Variants in MACROD2 observed in about 807,000 individuals in gnomAD.
MACROD2 encodes mono-ADP ribosylhydrolase 2.
A neutral mutation model predicts 70.4 loss-of-function variants in MACROD2; 36 were observed. That is an observed-to-expected ratio of 0.51 (90% CI 0.39 to 0.68). The LOEUF is 0.68. MACROD2 is among the 30% of genes least tolerant of loss of function. The pLI, the probability that MACROD2 is intolerant of heterozygous loss-of-function variation, is 0.00. For synonymous variants in MACROD2, 172 were observed against 178.8 expected (o/e 0.96, Z 0.30); for missense variants, 496 against 538.4 (o/e 0.92, Z 0.78).
chr20:15,276,398 T>TTA (rs2077392821), intron 6 of MACROD2, among the ~76,000 whole-genome samples: 1 of 31,548 alleles, frequency 3.2e-5, no homozygotes, highest in African/African-American at 1.4e-4. Flanking sequence ...AGACTCCCTC[T>TTA]CAAAAAAATA....
rs527694946 is a variant in MACROD2 at position 15,561,489 on chromosome 20, TGCTTG to T, written c.645+61644_645+61648del. Among the ~76,000 whole-genome samples the T allele has an allele frequency of 1.2e-4, 19 of 152,310 alleles. 1 individual carries two copies. Among genetic ancestry groups the T allele is most frequent in the Admixed American group, 9.8e-4 (15 of 15,298 alleles). On this transcript the variant is annotated intron_variant, in intron 8 of 17. Coordinates refer to ENST00000684519, the MANE Select transcript of MACROD2 (RefSeq NM_001351661.2). Reference sequence around the variant, plus strand: ...TGATGTTCTTGGAGATTCTCTATGTTGCTTGGTACTACTAGGCTAAAATGTAATAC... The same window carrying T: ...TGATGTTCTTGGAGATTCTCTATGTTGTACTACTAGGCTAAAATGTAATAC...
At chr20:15,703,314 C>T (rs561608657) in intron 8 of MACROD2, among the ~76,000 whole-genome samples, 7 of 152,330 alleles carry the variant, frequency 4.6e-5, no homozygotes, top group African/African-American at 1.4e-4. Flanking sequence ...AGTCTCAGCT[C>T]TGCATGGACC....
At chr20:15,377,777 C>T (rs2045582805) in intron 6 of MACROD2, among the ~76,000 whole-genome samples, 1 of 151,642 alleles carries the variant, frequency 6.6e-6, no homozygotes, top group Non-Finnish European at 1.5e-5. Context: ...CTATGCCTGA[C>T]CTACAGAGAG....
chr20:15,606,984 G>A (rs1443043535), intron 8 of MACROD2, among the ~76,000 whole-genome samples: 2 of 143,336 alleles, frequency 1.4e-5, no homozygotes, highest in African/African-American at 5.2e-5. Context: ...CCTGGGCAAC[G>A]AGAGCAAAAC....
chr20:15,777,767 C>T (rs2051757251), intron 8 of MACROD2, among the ~76,000 whole-genome samples: 1 of 152,052 alleles, frequency 6.6e-6, no homozygotes, highest in Admixed American at 6.5e-5. Context: ...GCCTCAGCCT[C>T]CCGAGTAGCT....
intron 3 of MACROD2, among the ~76,000 whole-genome samples, chr20:14,381,971 A>G (rs1247247875): frequency 1.3e-5 from 2 of 152,090 alleles, no homozygotes; most frequent in Non-Finnish European, 1.5e-5. Flanking sequence ...TCTGAAGAAC[A>G]TGGTCATTAG....
chr20:15,985,905 G>C (rs1169366585), intron 13 of MACROD2: 1 of 152,224 alleles, frequency 6.6e-6, no homozygotes, highest in Non-Finnish European at 1.5e-5. Flanking sequence ...CCTTTTAAGG[G>C]CTCACAGCAC....
chr20:15,527,812 C>G (rs775446224), intron 8 of MACROD2, among the ~76,000 whole-genome samples: 22 of 152,180 alleles, frequency 1.4e-4, no homozygotes, highest in Non-Finnish European at 3.1e-4. Context: ...GCTCTAGATT[C>G]TCATATTTTC....
chr20:14,906,478 A>T (rs1158361130), intron 5 of MACROD2, among the ~76,000 whole-genome samples: 2 of 152,186 alleles, frequency 1.3e-5, no homozygotes, highest in African/African-American at 4.8e-5. Context: ...TGGGCAACAG[A>T]GTGAGACTCA....
intron 8 of MACROD2, among the ~76,000 whole-genome samples, chr20:15,862,055 C>T (rs543223461): frequency 4.6e-5 from 7 of 152,132 alleles, no homozygotes; most frequent in Non-Finnish European, 8.8e-5. Flanking sequence ...TGAATGTTTC[C>T]AAGAAACTCT....
At chr20:14,513,788 G>T (rs1357688536) in intron 4 of MACROD2, among the ~76,000 whole-genome samples, 2 of 151,896 alleles carry the variant, frequency 1.3e-5, no homozygotes, top group African/African-American at 2.4e-5. Context: ...TATATATTGT[G>T]CATCTCAAAT....
intron 5 of MACROD2, among the ~76,000 whole-genome samples, chr20:14,942,805 T>G (rs1202102949): frequency 6.6e-6 from 1 of 152,170 alleles, no homozygotes; most frequent in Non-Finnish European, 1.5e-5. Context: ...AGAAAACTAT[T>G]TTATGTGTTT....
chr20:14,805,101 G>A (rs1271266205), intron 5 of MACROD2, among the ~76,000 whole-genome samples: 1 of 152,008 alleles, frequency 6.6e-6, no homozygotes, highest in Non-Finnish European at 1.5e-5. Flanking sequence ...TTTTAGGGGA[G>A]AGAGTTCATT....
Position 14,766,253 on chromosome 20 carries a change from G to A in MACROD2, c.418+81294G>A, listed in dbSNP as rs554145969. ...GTTAGCCAATGAGTATCTGACCATC[G>A]CCCATGCTATACTTCCCTCATTTAG... On this transcript the variant is annotated intron_variant, in intron 5 of 17. Transcript: ENST00000684519. Among the ~76,000 whole-genome samples, 10 of 152,092 alleles carry A rather than the reference G, an allele frequency of 6.6e-5. No individual in the cohort carries two copies. The South Asian group carries it at 1.5e-3, about 22-fold the overall frequency.
chr20:15,693,926 T>C (rs2050331077), intron 8 of MACROD2, among the ~76,000 whole-genome samples: 1 of 149,440 alleles, frequency 6.7e-6, no homozygotes, highest in East Asian at 2.0e-4. Context: ...CTTTGCATCC[T>C]TGTAACTTAG....
At chr20:15,255,868 T>C (rs774029170) in intron 6 of MACROD2, among the ~76,000 whole-genome samples, 2 of 152,144 alleles carry the variant, frequency 1.3e-5, no homozygotes, top group Non-Finnish European at 2.9e-5. Flanking sequence ...TGCTATGGCA[T>C]GGGACACTCA....
chr20:14,534,185 C>A (rs1346782568), intron 4 of MACROD2, among the ~76,000 whole-genome samples: 5 of 152,172 alleles, frequency 3.3e-5, no homozygotes, highest in Non-Finnish European at 5.9e-5. Context: ...AAGGGCCACA[C>A]CGTCAGATTC....
intron 8 of MACROD2, among the ~76,000 whole-genome samples, chr20:15,812,715 G>A (rs2063833681): frequency 6.6e-6 from 1 of 152,170 alleles, no homozygotes; most frequent in African/African-American, 2.4e-5. Flanking sequence ...TAGGTAAGTA[G>A]AAACCAAGTC....
At chr20:15,843,898 A>C (rs1737480765) in intron 8 of MACROD2, among the ~76,000 whole-genome samples, 1 of 152,042 alleles carries the variant, frequency 6.6e-6, no homozygotes. Context: ...GGACATCAGT[A>C]ATGGTTGTTT....
Sources: gnomAD v4.1 joint callset for allele counts (sites outside exome capture counted in the v4.1 genomes callset) on GRCh38, gnomAD v4.1.1 for gene constraint, MANE v1.5 for transcripts, NCBI Gene and HGNC (gene_info 2026-07-23, HGNC 2026-07-21) for gene names.